R3HDM2: variants seen among roughly 807,000 people sequenced by gnomAD.
R3HDM2 encodes R3H domain containing 2, also known as R3H domain-containing protein 2.
Under a neutral mutation model 124.5 loss-of-function variants are expected in R3HDM2, and 38 were observed. The ratio of observed to expected loss-of-function variants is 0.31; its 90% CI spans 0.24 to 0.40. R3HDM2 has a LOEUF of 0.40. Ranked by LOEUF, R3HDM2 falls within the 10% of genes least tolerant of loss-of-function variation. R3HDM2 has a pLI of 1.00. For missense variants in R3HDM2, 869 were observed against 1,236.9 expected (o/e 0.70, Z 4.46); for synonymous variants, 391 against 448.0 (o/e 0.87, Z 1.61).
At chr12:57,399,177 G>A (rs1281762942) in intron 1 of R3HDM2, among the ~76,000 whole-genome samples, 1 of 152,168 alleles carries the variant, frequency 6.6e-6, no homozygotes, top group Non-Finnish European at 1.5e-5. Context: ...GCCGAGGTGG[G>A]TGGATCAGGA....
intron 2 of R3HDM2, among the ~76,000 whole-genome samples, chr12:57,358,826 G>C (rs2061573653): frequency 6.6e-6 from 1 of 152,050 alleles, no homozygotes; most frequent in Non-Finnish European, 1.5e-5. Flanking sequence ...ATTATTTAGA[G>C]AGTGGTGTTG....
At chr12:57,272,503 A>G in intron 14 of R3HDM2, 1 of 1,547,702 alleles carries the variant, frequency 6.5e-7, no homozygotes, top group Non-Finnish European at 8.7e-7. Flanking sequence ...TGGGGACAGG[A>G]GCTTGGAGAG....
intron 2 of R3HDM2, among the ~76,000 whole-genome samples, chr12:57,323,655 T>C (rs116238237): frequency 0.011 from 1,724 of 152,324 alleles, 29 homozygotes; most frequent in African/African-American, 0.039. Flanking sequence ...TGGACGTGTA[T>C]ACCCTCTTTA....
chr12:57,308,791 G>C (rs886573922), intron 3 of R3HDM2, among the ~76,000 whole-genome samples: 1 of 152,156 alleles, frequency 6.6e-6, no homozygotes, highest in Non-Finnish European at 1.5e-5. Flanking sequence ...CCTAAGAATA[G>C]AATAACTTAG....
Position 57,310,301 on chromosome 12 carries a change from T to C in R3HDM2, c.128A>G (p.Lys43Arg). 6.5e-7 allele frequency: 1 copy of C among 1,547,464 alleles called. No homozygotes were observed. Among genetic ancestry groups the C allele is most frequent in the South Asian group, 1.2e-5 (1 of 82,696 alleles). The change falls in exon 3 of 24, where the codon AAA becomes AGA. Residue 43 changes from lysine to arginine, a missense_variant. Coordinates refer to ENST00000402412, the MANE Select transcript of R3HDM2 (RefSeq NM_001394031.1). ...SKTPSKEEIE[K>R]ECEDTSLRQE... ...ACGCAAACTGGTATCTTCACATTCTTTCTCAATTTCTTCCTTACTTGGAGT... is the reference window on the plus strand; with the variant it reads ...ACGCAAACTGGTATCTTCACATTCTCTCTCAATTTCTTCCTTACTTGGAGT...
At chr12:57,322,830 A>G (rs1298265877) in intron 2 of R3HDM2, among the ~76,000 whole-genome samples, 1 of 152,150 alleles carries the variant, frequency 6.6e-6, no homozygotes, top group Non-Finnish European at 1.5e-5. Context: ...GTGGCTGCTC[A>G]TTCAGAAGCA....
intron 14 of R3HDM2, among the ~76,000 whole-genome samples, chr12:57,271,997 C>G (rs1001908455): frequency 6.6e-6 from 1 of 151,610 alleles, no homozygotes; most frequent in Non-Finnish European, 1.5e-5. Flanking sequence ...CAGGTTCAAG[C>G]GATTCTCCTG....
intron 6 of R3HDM2, among the ~76,000 whole-genome samples, chr12:57,298,546 T>G (rs2050383633): frequency 6.6e-6 from 1 of 152,202 alleles, no homozygotes; most frequent in Non-Finnish European, 1.5e-5. Context: ...TATTATTTTT[T>G]AATCCTGTTT....
At chr12:57,292,925 T>C (rs1411807703) in intron 10 of R3HDM2, among the ~76,000 whole-genome samples, 2 of 108,640 alleles carry the variant, frequency 1.8e-5, no homozygotes, top group South Asian at 6.4e-4. Context: ...GAATAACAAC[T>C]ATTTATAAGG....
intron 14 of R3HDM2, chr12:57,272,682 C>A (rs1369088836): frequency 1.7e-6 from 1 of 597,582 alleles, no homozygotes; most frequent in Non-Finnish European, 2.9e-6. Context: ...GGTTAATAAT[C>A]ATAGAAGAAA....
intron 2 of R3HDM2, among the ~76,000 whole-genome samples, chr12:57,338,910 C>A (rs916708609): frequency 1.3e-5 from 2 of 151,728 alleles, no homozygotes; most frequent in African/African-American, 2.4e-5. Context: ...AATGCTAAGT[C>A]TTTAAATGAC....
chr12:57,317,939 C>T (rs1348578019), intron 2 of R3HDM2, among the ~76,000 whole-genome samples: 1 of 146,508 alleles, frequency 6.8e-6, no homozygotes, highest in Admixed American at 6.9e-5. Context: ...AAGACTGCAC[C>T]ATTGCACTCC....
At position 57,335,855 on chromosome 12, in the gene R3HDM2, C is replaced by T. The variant is rs117789554; in HGVS notation, c.-35-25392G>A. ...AGCTGAAGCAGGAGGATGGCTTGAGCCTATGAGTTCCATCATCCATAAGGA... is the reference window on the plus strand; with the variant it reads ...AGCTGAAGCAGGAGGATGGCTTGAGTCTATGAGTTCCATCATCCATAAGGA... On this transcript the variant is annotated intron_variant, in intron 2 of 23. Coordinates refer to ENST00000402412, the MANE Select transcript of R3HDM2 (RefSeq NM_001394031.1). 7.2e-5 allele frequency among the ~76,000 whole-genome samples: 11 copies of T among 151,834 alleles called. No homozygotes were observed. In the East Asian group the frequency reaches 1.9e-3, roughly 27 times the overall value.
intron 2 of R3HDM2, among the ~76,000 whole-genome samples, chr12:57,385,354 G>A (rs975062986): frequency 2.7e-5 from 4 of 149,264 alleles, no homozygotes; most frequent in African/African-American, 9.9e-5. Context: ...CCATTCTCCT[G>A]TCTCAGCCTC....
At chr12:57,285,178 C>G (rs891465557) in intron 12 of R3HDM2, among the ~76,000 whole-genome samples, 1 of 152,146 alleles carries the variant, frequency 6.6e-6, no homozygotes, top group Admixed American at 6.5e-5. Context: ...AACCCCATTC[C>G]AATCCCACTG....
At position 57,296,109 on chromosome 12, in the gene R3HDM2, C is replaced by A. The variant is rs1488615870; in HGVS notation, c.701+302G>T. Among the ~76,000 whole-genome samples the A allele has an allele frequency of 6.6e-6, 1 of 151,584 alleles. No homozygotes were observed. Among genetic ancestry groups the A allele is most frequent in the East Asian group, 1.9e-4 (1 of 5,176 alleles). On this transcript the variant is annotated intron_variant, in intron 9 of 23. Transcript: ENST00000402412. This position sits in a 1 kb window ranked among gnomAD's most constrained non-coding sequence, Gnocchi z 4.5. The stretch of plus-strand genomic sequence containing the variant: ...GGTCTTGAACTCCTGACCTTATGAT[C>A]CACCCGCCTCGGCCTCCCAAAGTGC...
At chr12:57,302,762 C>G (rs2051529456) in intron 4 of R3HDM2, among the ~76,000 whole-genome samples, 1 of 136,360 alleles carries the variant, frequency 7.3e-6, no homozygotes, top group African/African-American at 2.8e-5. Flanking sequence ...CTTAGTGGGG[C>G]AGGATTTATC....
intron 2 of R3HDM2, among the ~76,000 whole-genome samples, chr12:57,386,526 C>T (rs1460721918): frequency 3.9e-5 from 6 of 152,224 alleles, no homozygotes; most frequent in Admixed American, 2.6e-4. Context: ...TTGGGACCTG[C>T]AGCCCGCCAT....
At chr12:57,329,835 A>T (rs1467013032) in intron 2 of R3HDM2, among the ~76,000 whole-genome samples, 2 of 152,106 alleles carry the variant, frequency 1.3e-5, no homozygotes, top group Admixed American at 1.3e-4. Flanking sequence ...ATTTTCTTTA[A>T]TTTCTTTTCT....
Sources: allele counts gnomAD v4.1 joint callset (sites outside exome capture counted in the v4.1 genomes callset), GRCh38; gene constraint gnomAD v4.1.1; non-coding constraint Gnocchi (gnomAD v3.1); transcripts MANE v1.5; gene names NCBI Gene and HGNC (gene_info 2026-07-23, HGNC 2026-07-21).